GSK3B: variants seen among roughly 807,000 people sequenced by gnomAD.
GSK3B encodes glycogen synthase kinase-3 beta.
A neutral mutation model predicts 56.4 loss-of-function variants in GSK3B; 15 were observed. The observed-to-expected ratio is 0.27, with a 90% CI of 0.18 to 0.41. The LOEUF is 0.41. GSK3B is among the 10% of genes least tolerant of loss of function. The pLI, the probability that GSK3B is intolerant of heterozygous loss-of-function variation, is 1.00. For synonymous variants in GSK3B, 181 were observed against 188.9 expected, an observed-to-expected ratio of 0.96 and a Z score of 0.34; for missense variants, 300 against 513.4, an observed-to-expected ratio of 0.58 and a Z score of 4.02.
chr3:119,873,662 A>C (rs1466392104), intron 8 of GSK3B, among the ~76,000 whole-genome samples: 1 of 152,080 alleles, frequency 6.6e-6, no homozygotes, highest in African/African-American at 2.4e-5. Context: ...TTTGCATTTT[A>C]ATTCTTATAA....
At chr3:119,964,191 G>A (rs756075749) in intron 2 of GSK3B, among the ~76,000 whole-genome samples, 2 of 152,034 alleles carry the variant, frequency 1.3e-5, no homozygotes, top group Non-Finnish European at 2.9e-5. Flanking sequence ...ATAAGCAAAG[G>A]ACTGGAATAG....
chr3:119,838,170 T>G (rs1036990725), intron 10 of GSK3B, among the ~76,000 whole-genome samples: 1 of 151,828 alleles, frequency 6.6e-6, no homozygotes, highest in Non-Finnish European at 1.5e-5. Context: ...GCGCCTGTAA[T>G]CCGAGCTACT....
At chr3:119,850,430 G>T (rs1323237085) in intron 9 of GSK3B, among the ~76,000 whole-genome samples, 1 of 152,074 alleles carries the variant, frequency 6.6e-6, no homozygotes, top group African/African-American at 2.4e-5. Flanking sequence ...CTACTTCAAA[G>T]AGGTTGTTAA....
chr3:119,902,556 C>T (rs916909540), intron 7 of GSK3B, among the ~76,000 whole-genome samples: 1 of 152,070 alleles, frequency 6.6e-6, no homozygotes, highest in Non-Finnish European at 1.5e-5. Context: ...GCCATGGCAC[C>T]TGGCTAGTTT....
chr3:119,988,711 T>C (rs1333218484), intron 2 of GSK3B, among the ~76,000 whole-genome samples: 1 of 152,142 alleles, frequency 6.6e-6, no homozygotes, highest in Non-Finnish European at 1.5e-5. Context: ...TCATAGATAT[T>C]TGATAGTACA....
intron 9 of GSK3B, among the ~76,000 whole-genome samples, chr3:119,854,170 A>C (rs781678879): frequency 2.6e-5 from 4 of 152,138 alleles, no homozygotes; most frequent in Non-Finnish European, 5.9e-5. Context: ...GCATCTATTG[A>C]GATAATCACG....
intron 5 of GSK3B, among the ~76,000 whole-genome samples, chr3:119,914,070 G>A (rs2056759792): frequency 6.6e-6 from 1 of 151,964 alleles, no homozygotes; most frequent in Non-Finnish European, 1.5e-5. Context: ...CTACCTGATG[G>A]AGCTACAAAA....
At chr3:120,028,138 A>C (rs1244048807) in intron 1 of GSK3B, among the ~76,000 whole-genome samples, 2 of 152,242 alleles carry the variant, frequency 1.3e-5, no homozygotes, top group African/African-American at 4.8e-5. Flanking sequence ...AAGAGTGACA[A>C]GAAAATAACT....
intron 9 of GSK3B, among the ~76,000 whole-genome samples, chr3:119,844,942 A>G (rs1200509957): frequency 2.0e-5 from 3 of 152,190 alleles, no homozygotes; most frequent in African/African-American, 7.2e-5. Context: ...ATCTAGCAGC[A>G]CCTTAAAAAG....
At chr3:119,869,245 A>AAAAAAAAAT (rs1455323431) in intron 8 of GSK3B, among the ~76,000 whole-genome samples, 1 of 149,460 alleles carries the variant, frequency 6.7e-6, no homozygotes, top group African/African-American at 2.5e-5. Flanking sequence ...AAAAAAAAAA[A>AAAAAAAAAT]ACATATATTC....
chr3:119,915,550 CATAT>C (rs368886402), intron 5 of GSK3B, among the ~76,000 whole-genome samples: 3 of 149,730 alleles, frequency 2.0e-5, no homozygotes, highest in Non-Finnish European at 3.0e-5. Context: ...TGTGTGTGTA[CATAT>C]ATATATATAT....
intron 2 of GSK3B, among the ~76,000 whole-genome samples, chr3:120,000,918 C>CTTTTTTTTTTTTTTTT (rs71156781): frequency 3.3e-5 from 3 of 91,048 alleles, no homozygotes; most frequent in Admixed American, 1.5e-4. Flanking sequence ...ATGTAATCTC[C>CTTTTTTTTTTTTTTTT]TTTTTTTTTT....
chr3:120,036,811 A>AG (rs2058027323), intron 1 of GSK3B, among the ~76,000 whole-genome samples: 2 of 151,598 alleles, frequency 1.3e-5, no homozygotes, highest in African/African-American at 4.8e-5. Flanking sequence ...AAAAAAAAAA[A>AG]AAGCAGATCT....
At chr3:119,863,171 A>AG in intron 9 of GSK3B, among the ~76,000 whole-genome samples, 1 of 152,358 alleles carries the variant, frequency 6.6e-6, no homozygotes, top group Admixed American at 6.5e-5. Flanking sequence ...GTAACTTCTC[A>AG]TGTGCCAACA....
intron 9 of GSK3B, among the ~76,000 whole-genome samples, chr3:119,861,647 T>C (rs1482708080): frequency 6.6e-6 from 1 of 152,162 alleles, no homozygotes; most frequent in Non-Finnish European, 1.5e-5. Flanking sequence ...ACAATAGCGA[T>C]TTACAAAGAC....
At chr3:120,078,671 G>C (rs751051920) in intron 1 of GSK3B, among the ~76,000 whole-genome samples, 12 of 151,360 alleles carry the variant, frequency 7.9e-5, no homozygotes, top group Middle Eastern at 3.4e-3. Flanking sequence ...TTCTGCCTCA[G>C]CCTCCCGTGT....
At chr3:120,077,935 A>T (rs530421477) in intron 1 of GSK3B, among the ~76,000 whole-genome samples, 24 of 151,966 alleles carry the variant, frequency 1.6e-4, no homozygotes, top group Admixed American at 5.2e-4. Context: ...AAAAAAATAT[A>T]TTTTTTTTAA....
chr3:120,042,429 A>G (rs993215732), intron 1 of GSK3B, among the ~76,000 whole-genome samples: 5 of 152,240 alleles, frequency 3.3e-5, no homozygotes, highest in Non-Finnish European at 5.9e-5. Flanking sequence ...GGTTATAGAT[A>G]GTTGCTTTAT....
chr3:119,855,248 C>T (rs112766791), intron 9 of GSK3B, among the ~76,000 whole-genome samples: 4,579 of 152,128 alleles, frequency 0.03, 216 homozygotes, highest in African/African-American at 0.1. Context: ...TCACTGGCCA[C>T]CAGAGAAATG....
Sources: gnomAD v4.1 joint callset for allele counts (sites outside exome capture counted in the v4.1 genomes callset) on GRCh38, gnomAD v4.1.1 for gene constraint, MANE v1.5 for transcripts, NCBI Gene and HGNC (gene_info 2026-07-23, HGNC 2026-07-21) for gene names.